The following VDAC1 variants were observed in gnomAD, a reference collection of about 807,000 sequenced individuals.
VDAC1 encodes voltage dependent anion channel 1.
Under a neutral mutation model 34.7 loss-of-function variants are expected in VDAC1, and 10 were observed. The ratio of observed to expected loss-of-function variants is 0.29; its 90% confidence interval spans 0.18 to 0.49. VDAC1 has a LOEUF of 0.49. VDAC1 is among the 20% of genes least tolerant of loss of function. The pLI, the probability that VDAC1 is intolerant of heterozygous loss-of-function variation, is 0.99. For missense variants in VDAC1, 230 were observed against 347.9 expected, an observed-to-expected ratio of 0.66 and a Z score of 2.69; for synonymous variants, 130 against 136.0, an observed-to-expected ratio of 0.96 and a Z score of 0.30.
the VDAC1 span, among the ~76,000 whole-genome samples, chr5:134,019,103 C>G: frequency 1.3e-5 from 2 of 152,098 alleles, no homozygotes; most frequent in African/African-American, 2.4e-5. Context: ...TAAGATCGCA[C>G]TGAGTCCCTC....
intron 5 of VDAC1, among the ~76,000 whole-genome samples, chr5:133,983,415 G>A (rs1203426564): frequency 6.6e-6 from 1 of 152,102 alleles, no homozygotes; most frequent in South Asian, 2.1e-4. Flanking sequence ...GTGCGTGGAG[G>A]AGTGTTATAT....
At chr5:134,084,793 A>C in the VDAC1 span, among the ~76,000 whole-genome samples, 1 of 152,266 alleles carries the variant, frequency 6.6e-6, no homozygotes, top group African/African-American at 2.4e-5. Context: ...AATCCAAGGC[A>C]ATCCAGGGAA....
chr5:134,034,653 G>T, the VDAC1 span, among the ~76,000 whole-genome samples: 5 of 152,136 alleles, frequency 3.3e-5, no homozygotes, highest in Middle Eastern at 3.2e-3. Flanking sequence ...ATAAAATTTT[G>T]TGTTTGACGC....
chr5:134,034,667 C>T, the VDAC1 span, among the ~76,000 whole-genome samples: 1 of 152,092 alleles, frequency 6.6e-6, no homozygotes, highest in Non-Finnish European at 1.5e-5. Context: ...TTGACGCCAC[C>T]CAGCTTGTGG....
the VDAC1 span, among the ~76,000 whole-genome samples, chr5:134,102,278 T>C: frequency 1.3e-5 from 2 of 152,090 alleles, no homozygotes; most frequent in African/African-American, 4.8e-5. Flanking sequence ...GCCAGTGCAG[T>C]GAGTGCACTC....
the VDAC1 span, among the ~76,000 whole-genome samples, chr5:134,095,583 C>T: frequency 3.9e-5 from 6 of 152,284 alleles, no homozygotes; most frequent in South Asian, 2.1e-4. Flanking sequence ...TTCTCATAGA[C>T]TATCACAAGA....
chr5:133,985,670 C>T (rs1341466293), intron 5 of VDAC1, among the ~76,000 whole-genome samples: 3 of 152,038 alleles, frequency 2.0e-5, no homozygotes, highest in Non-Finnish European at 4.4e-5. Flanking sequence ...GAAAAAGAAA[C>T]CTATCTTCAT....
chr5:134,069,011 T>TGTGTGTGTGTG, the VDAC1 span, among the ~76,000 whole-genome samples: 15 of 107,956 alleles, frequency 1.4e-4, no homozygotes, highest in East Asian at 2.8e-4. Flanking sequence ...TGTGTGTGTG[T>TGTGTGTGTGTG]TCACGTGCGC....
chr5:134,024,879 C>A, the VDAC1 span, among the ~76,000 whole-genome samples: 2 of 152,214 alleles, frequency 1.3e-5, no homozygotes, highest in Admixed American at 6.5e-5. Context: ...CCTCTGCACC[C>A]ACTCCCCTAC....
the VDAC1 span, among the ~76,000 whole-genome samples, chr5:134,110,987 T>C: frequency 6.6e-6 from 1 of 152,222 alleles, no homozygotes; most frequent in Non-Finnish European, 1.5e-5. Flanking sequence ...AATATCTCGT[T>C]CAAGAGCACC....
intron 1 of VDAC1, among the ~76,000 whole-genome samples, chr5:134,003,340 A>T (rs1218195660): frequency 6.6e-6 from 1 of 152,146 alleles, no homozygotes; most frequent in Non-Finnish European, 1.5e-5. Context: ...TAGGCAACAG[A>T]GGAGCCCTTT....
chr5:134,006,066 G>A (rs1475475619), upstream of VDAC1, among the ~76,000 whole-genome samples: 1 of 152,168 alleles, frequency 6.6e-6, no homozygotes, highest in African/African-American at 2.4e-5. Flanking sequence ...AGGGTGCTGA[G>A]GAAGAGGGCA....
the VDAC1 span, among the ~76,000 whole-genome samples, chr5:134,022,462 G>A: frequency 1.3e-5 from 2 of 152,136 alleles, no homozygotes; most frequent in Non-Finnish European, 2.9e-5. Context: ...TTGGCAGAAG[G>A]GCAAAGAGAG....
intron 5 of VDAC1, among the ~76,000 whole-genome samples, chr5:133,982,413 G>A (rs1014379338): frequency 6.6e-6 from 1 of 151,660 alleles, no homozygotes; most frequent in Non-Finnish European, 1.5e-5. Flanking sequence ...TCAGGAGGCT[G>A]AGGCAGGAGA....
chr5:134,078,153 A>AGGGCT, the VDAC1 span, among the ~76,000 whole-genome samples: 9 of 152,336 alleles, frequency 5.9e-5, no homozygotes, highest in East Asian at 1.2e-3. Flanking sequence ...TTGACTGAGC[A>AGGGCT]GGGCTGGGCT....
intron 6 of VDAC1, among the ~76,000 whole-genome samples, chr5:133,976,959 G>A (rs767338532): frequency 3.3e-5 from 5 of 152,272 alleles, no homozygotes; most frequent in South Asian, 2.1e-4. Context: ...CAGGAGAATC[G>A]TCTGAACCCA....
At chr5:134,088,285 G>A in the VDAC1 span, among the ~76,000 whole-genome samples, 4 of 152,208 alleles carry the variant, frequency 2.6e-5, no homozygotes, top group Non-Finnish European at 4.4e-5. Flanking sequence ...CCCATCACAG[G>A]TCCCAGTGCT....
the VDAC1 span, among the ~76,000 whole-genome samples, chr5:134,032,048 G>A: frequency 1.0e-4 from 15 of 148,478 alleles, no homozygotes; most frequent in Non-Finnish European, 1.3e-4. Context: ...GCCTGAACCC[G>A]GGAGGTGGAG....
the VDAC1 span, among the ~76,000 whole-genome samples, chr5:134,095,258 G>T: frequency 2.6e-5 from 4 of 152,076 alleles, no homozygotes; most frequent in African/African-American, 9.7e-5. Context: ...GAGGCAGGAG[G>T]CTCATCTGAT....
Sources: gnomAD v4.1 joint callset for allele counts (sites outside exome capture counted in the v4.1 genomes callset) on GRCh38, gnomAD v4.1.1 for gene constraint, MANE v1.5 for transcripts, NCBI Gene and HGNC (gene_info 2026-07-23, HGNC 2026-07-21) for gene names.